Variants in PTPRM observed in about 807,000 individuals in gnomAD.
PTPRM encodes the protein protein tyrosine phosphatase receptor type M.
A neutral mutation model predicts 186.7 loss-of-function variants in PTPRM; 47 were observed. That is an observed-to-expected ratio of 0.25 (90% CI 0.20 to 0.32). The LOEUF (loss-of-function observed/expected upper bound fraction) is 0.32. PTPRM is among the 10% of genes least tolerant of loss of function. The probability of loss-of-function intolerance (pLI) is 1.00; values close to 1 mark genes in which losing one functional copy is unlikely to be tolerated. For missense variants in PTPRM, 1,494 were observed against 1,865.0 expected, an observed-to-expected ratio of 0.80 and a Z score of 3.66; for synonymous variants, 668 against 674.9, an observed-to-expected ratio of 0.99 and a Z score of 0.16.
intron 1 of PTPRM, among the ~76,000 whole-genome samples, chr18:7,694,619 G>A (rs150557658): frequency 6.6e-6 from 1 of 151,958 alleles, no homozygotes; most frequent in Non-Finnish European, 1.5e-5. Flanking sequence ...TAGAGACAGA[G>A]TTTCACCAGG....
At position 7,773,551 on chromosome 18, in the gene PTPRM, T is replaced by C. The variant is rs559661732; in HGVS notation, c.74-598T>C. Among the ~76,000 whole-genome samples the C allele has an allele frequency of 1.1e-4, 16 of 143,844 alleles. No individual in the cohort carries two copies. The South Asian group carries it at 2.9e-3, about 26-fold the overall frequency. 94.4% of individuals were successfully genotyped at this position (143,844 alleles called of 152,430 possible). A position where few individuals can be genotyped will look rare whatever the true frequency, so the allele number is the denominator to read the frequency against. ...TTTTAAATTTGCTTAGGTCTTACTT[T>C]CTTTTTTTTCTTTTCTTTGTTTTTT... is the stretch of plus-strand genomic sequence containing the variant. On this transcript the variant is annotated intron_variant, in intron 1 of 32. Transcript: ENST00000580170.
chr18:8,287,157 A>G (rs2094966169), intron 19 of PTPRM, among the ~76,000 whole-genome samples: 1 of 152,176 alleles, frequency 6.6e-6, no homozygotes, highest in African/African-American at 2.4e-5. Flanking sequence ...CAAATACTAT[A>G]TAGAGTCAGT....
intron 19 of PTPRM, among the ~76,000 whole-genome samples, chr18:8,292,285 A>G (rs1028630126): frequency 1.3e-5 from 2 of 152,244 alleles, no homozygotes; most frequent in Non-Finnish European, 2.9e-5. Flanking sequence ...CATAACATTC[A>G]AAACTGGATC....
chr18:7,940,140 A>G (rs144996777), intron 5 of PTPRM, among the ~76,000 whole-genome samples: 4 of 152,250 alleles, frequency 2.6e-5, no homozygotes, highest in African/African-American at 7.2e-5. Flanking sequence ...AGCCTAGGGA[A>G]TGGAATCTGG....
At chr18:8,240,643 GAGAGAGAGAGAAAGAAAGAA>G (rs1568583739) in intron 14 of PTPRM, among the ~76,000 whole-genome samples, 15 of 32,602 alleles carry the variant, frequency 4.6e-4, no homozygotes, top group African/African-American at 1.0e-3. Flanking sequence ...GAGAGAGAGA[GAGAGAGAGAGAAAGAAAGAA>G]AGAAAGAAAG....
At chr18:8,211,897 G>C (rs1248070454) in intron 14 of PTPRM, among the ~76,000 whole-genome samples, 1 of 152,094 alleles carries the variant, frequency 6.6e-6, no homozygotes, top group East Asian at 1.9e-4. Flanking sequence ...TGGAGGCTGT[G>C]GCCATGCACT....
intron 5 of PTPRM, among the ~76,000 whole-genome samples, chr18:7,931,608 G>A (rs1322240334): frequency 1.3e-5 from 2 of 152,190 alleles, no homozygotes; most frequent in East Asian, 3.9e-4. Flanking sequence ...GGCTGAGGCA[G>A]GAGAATCACT....
Position 8,355,378 on chromosome 18 carries a change from G to A in PTPRM, c.3054+11858G>A, listed in dbSNP as rs192366167. On this transcript the variant is annotated intron_variant, in intron 23 of 32. Coordinates refer to ENST00000580170, the MANE Select transcript of PTPRM (RefSeq NM_001105244.2). ...ATTAATTGGCAAAGGAGGGAGGGAA[G>A]GTGTTCCAGGCAGAGGCAACCACAG... Among the ~76,000 whole-genome samples the A allele has an allele frequency of 8.0e-4, 122 of 151,614 alleles. 1 individual carries two copies. The highest frequency in any genetic ancestry group is 2.5e-3 in the Admixed American group (38 of 15,206).
chr18:8,192,215 A>G (rs769849720), intron 14 of PTPRM, among the ~76,000 whole-genome samples: 24 of 152,278 alleles, frequency 1.6e-4, no homozygotes, highest in Middle Eastern at 3.4e-3. Context: ...GTACAAAATC[A>G]TATCAATATT....
chr18:7,875,601 G>A (rs186254946), intron 2 of PTPRM, among the ~76,000 whole-genome samples: 2 of 152,200 alleles, frequency 1.3e-5, no homozygotes, highest in South Asian at 2.1e-4. Context: ...TGGGATTACC[G>A]GCGTGAGCCT....
At chr18:8,047,127 C>T (rs960970062) in intron 7 of PTPRM, among the ~76,000 whole-genome samples, 1 of 151,980 alleles carries the variant, frequency 6.6e-6, no homozygotes, top group African/African-American at 2.4e-5. Context: ...AGCTGTAGAT[C>T]CTCATGAAAA....
At chr18:8,288,559 G>A (rs73396012) in intron 19 of PTPRM, among the ~76,000 whole-genome samples, 83 of 152,284 alleles carry the variant, frequency 5.5e-4, no homozygotes, top group African/African-American at 1.9e-3. Flanking sequence ...CTTATTCTGC[G>A]TCAGTCTCTA....
intron 19 of PTPRM, among the ~76,000 whole-genome samples, chr18:8,289,398 G>A (rs941247253): frequency 7.2e-6 from 1 of 138,372 alleles, no homozygotes; most frequent in African/African-American, 2.8e-5. Context: ...TTGTGTGTGT[G>A]TATATATATA....
At chr18:8,151,708 A>C (rs1235200482) in intron 14 of PTPRM, among the ~76,000 whole-genome samples, 1 of 151,284 alleles carries the variant, frequency 6.6e-6, no homozygotes, top group African/African-American at 2.4e-5. Context: ...AAAAAAAAAA[A>C]AAAACTCCTG....
intron 17 of PTPRM, chr18:8,251,874 A>C: frequency 6.6e-6 from 1 of 152,270 alleles, no homozygotes; most frequent in East Asian, 1.9e-4. Flanking sequence ...ACTTGAATAT[A>C]TCTTTTATAT....
At chr18:8,183,234 G>A (rs531292979) in intron 14 of PTPRM, among the ~76,000 whole-genome samples, 1 of 151,806 alleles carries the variant, frequency 6.6e-6, no homozygotes, top group Non-Finnish European at 1.5e-5. Flanking sequence ...TTTTTTTCTT[G>A]ATTAAAAATA....
intron 7 of PTPRM, among the ~76,000 whole-genome samples, chr18:8,062,888 G>T (rs1199783501): frequency 2.9e-5 from 4 of 137,922 alleles, no homozygotes; most frequent in African/African-American, 9.0e-5. Context: ...ATTTAAGTCT[G>T]CAGAGGTTAC....
At chr18:8,193,169 A>G (rs767483288) in intron 14 of PTPRM, among the ~76,000 whole-genome samples, 8 of 152,190 alleles carry the variant, frequency 5.3e-5, no homozygotes, top group African/African-American at 1.4e-4. Context: ...GGGAAATTCT[A>G]TGTAAGATAT....
intron 13 of PTPRM, among the ~76,000 whole-genome samples, chr18:8,118,120 A>G (rs1381780035): frequency 6.6e-6 from 1 of 152,156 alleles, no homozygotes; most frequent in Admixed American, 6.6e-5. Flanking sequence ...TAGTAAGTTA[A>G]TTTCTTATAT....
Sources: allele counts gnomAD v4.1 joint callset (sites outside exome capture counted in the v4.1 genomes callset), GRCh38; gene constraint gnomAD v4.1.1; transcripts MANE v1.5; gene names NCBI Gene and HGNC (gene_info 2026-07-23, HGNC 2026-07-21).